The following STX2 variants were observed in gnomAD, a reference collection of about 807,000 sequenced individuals.
STX2 encodes the protein syntaxin 2, also known as syntaxin-2.
A neutral mutation model predicts 40.6 loss-of-function variants in STX2; 27 were observed. The observed-to-expected ratio is 0.66, with a 90% CI of 0.49 to 0.92. The LOEUF is 0.92. Among genes scored for constraint, STX2 ranks in the 40% least tolerant of loss-of-function variants. STX2 has a pLI of 0.00. For missense variants in STX2, 328 were observed against 366.1 expected (o/e 0.90, Z 0.85); for synonymous variants, 123 against 119.1 (o/e 1.03, Z -0.22).
chr12:130,834,053 G>A (rs1197832954), intron 1 of STX2, among the ~76,000 whole-genome samples: 2 of 152,198 alleles, frequency 1.3e-5, no homozygotes, highest in African/African-American at 2.4e-5. Context: ...GGAAAGGGAG[G>A]CAGGAAGGCT....
chr12:130,822,972 C>A (rs1472244438), intron 2 of STX2, among the ~76,000 whole-genome samples: 1 of 152,188 alleles, frequency 6.6e-6, no homozygotes, highest in Non-Finnish European at 1.5e-5. Flanking sequence ...GAGCAAGATG[C>A]TCTGCTGCCA....
At chr12:130,835,017 G>A (rs577773003) in intron 1 of STX2, among the ~76,000 whole-genome samples, 5 of 152,348 alleles carry the variant, frequency 3.3e-5, no homozygotes, top group Admixed American at 1.3e-4. Flanking sequence ...GGCCAGGCAC[G>A]GTGGCTCACG....
At chr12:130,799,912 A>T (rs145817114) in intron 8 of STX2, among the ~76,000 whole-genome samples, 2 of 152,202 alleles carry the variant, frequency 1.3e-5, no homozygotes, top group African/African-American at 2.4e-5. Context: ...AGGTTGCTGA[A>T]GCAGGCAGGA....
intron 3 of STX2, among the ~76,000 whole-genome samples, chr12:130,813,766 T>C (rs1487182446): frequency 1.4e-5 from 2 of 143,448 alleles, no homozygotes; most frequent in Non-Finnish European, 3.1e-5. Context: ...CACTCACATT[T>C]GCCAGTCCAG....
chr12:130,824,086 C>CT (rs1307809141), intron 2 of STX2, among the ~76,000 whole-genome samples: 1 of 152,158 alleles, frequency 6.6e-6, no homozygotes, highest in Admixed American at 6.5e-5. Context: ...TTTGAAAAGT[C>CT]TAAGTATTAA....
chr12:130,818,669 GAGACGGTGC>G (rs201644102), intron 3 of STX2, among the ~76,000 whole-genome samples: 3,918 of 104,744 alleles, frequency 0.037, 158 homozygotes, highest in African/African-American at 0.096. Flanking sequence ...GGAGACGATG[GAGACGGTGC>G]AGACGGTGCA....
At chr12:130,829,493 G>A (rs1473905024) in intron 1 of STX2, among the ~76,000 whole-genome samples, 2 of 146,938 alleles carry the variant, frequency 1.4e-5, no homozygotes, top group Admixed American at 1.4e-4. Context: ...GGGATGCGGG[G>A]AGGAGCTGTG....
chr12:130,793,877 G>A (rs137974060), intron 10 of STX2, among the ~76,000 whole-genome samples: 1 of 152,360 alleles, frequency 6.6e-6, no homozygotes, highest in Non-Finnish European at 1.5e-5. Flanking sequence ...CCTATGCAAA[G>A]ATAACTGCTG....
intron 3 of STX2, 87 bp downstream of exon 3, chr12:130,821,602 G>A (rs964263911): frequency 2.7e-5 from 30 of 1,092,836 alleles, no homozygotes; most frequent in African/African-American, 7.8e-5. Flanking sequence ...TGAATCTCCC[G>A]TGAGGCCAGA....
chr12:130,801,314 T>A, intron 7 of STX2, 24 bp from the exon 8 acceptor site: 1 of 1,603,514 alleles, frequency 6.2e-7, no homozygotes, highest in Non-Finnish European at 8.5e-7. Flanking sequence ...AAATAAAAGA[T>A]AATATTAATA....
chr12:130,804,976 A>G (rs564848103), intron 6 of STX2, among the ~76,000 whole-genome samples: 2 of 152,286 alleles, frequency 1.3e-5, no homozygotes, highest in East Asian at 3.9e-4. Flanking sequence ...GAGTGAAGAC[A>G]GGATGGACCT....
At chr12:130,829,177 G>T (rs994230665) in intron 1 of STX2, among the ~76,000 whole-genome samples, 1 of 152,134 alleles carries the variant, frequency 6.6e-6, no homozygotes, top group Admixed American at 6.5e-5. Flanking sequence ...AGAGCTAAGC[G>T]GTGCCGAACC....
intron 5 of STX2, 99 bp from the exon 6 acceptor site, chr12:130,807,189 T>C: frequency 8.9e-7 from 1 of 1,129,824 alleles, no homozygotes; most frequent in East Asian, 2.5e-5. Context: ...CTACATGTTA[T>C]TCTGCTCCTG....
At chr12:130,828,532 G>A (rs1439525439) in intron 1 of STX2, among the ~76,000 whole-genome samples, 2 of 151,088 alleles carry the variant, frequency 1.3e-5, no homozygotes, top group East Asian at 2.0e-4. Flanking sequence ...GAGCCACTTC[G>A]CCCAGCCTGT....
Position 130,839,120 on chromosome 12 carries a change from GC to G in STX2, c.-22del, listed in dbSNP as rs1190053477. 7.9e-7 allele frequency: 1 copy of G among 1,258,170 alleles called. No homozygotes were observed. The highest frequency in any genetic ancestry group is 3.9e-5 in the Admixed American group (1 of 25,836). 77.9% of individuals were successfully genotyped at this position (1,258,170 alleles called of 1,614,324 possible). A position where few individuals can be genotyped will look rare whatever the true frequency, so the allele number is the denominator to read the frequency against. On this transcript the variant is annotated 5_prime_UTR_variant, in exon 1 of 11. Transcript: ENST00000392373. ...CGCATCCCCGCCGGCCGGGCAGCGC[GC>G]CCCGCCGCTCAAGCCTGTCCCGAGC...
intron 1 of STX2, among the ~76,000 whole-genome samples, chr12:130,830,253 ATC>A: frequency 6.6e-6 from 1 of 152,220 alleles, no homozygotes; most frequent in Admixed American, 6.5e-5. Context: ...GGCTGCACCC[ATC>A]TCAATGCTCC....
intron 6 of STX2, among the ~76,000 whole-genome samples, chr12:130,805,522 G>T (rs1242589208): frequency 6.6e-6 from 1 of 152,218 alleles, no homozygotes; most frequent in Admixed American, 6.5e-5. Context: ...GAGCTGCACA[G>T]ACCCCGCATG....
At chr12:130,813,150 G>A (rs1951723964) in intron 3 of STX2, 119 bp from the exon 4 acceptor site, 3 of 652,416 alleles carry the variant, frequency 4.6e-6, no homozygotes, top group South Asian at 7.0e-5. Context: ...CTTTTTTTCT[G>A]TAAGAAAAAC....
At chr12:130,823,736 C>A (rs1054654863) in intron 2 of STX2, among the ~76,000 whole-genome samples, 1 of 152,168 alleles carries the variant, frequency 6.6e-6, no homozygotes, top group Non-Finnish European at 1.5e-5. Context: ...ACAGTGATTG[C>A]GGTGATTTTG....
Sources: gnomAD v4.1 joint callset for allele counts (sites outside exome capture counted in the v4.1 genomes callset) on GRCh38, gnomAD v4.1.1 for gene constraint, MANE v1.5 for transcripts, NCBI Gene and HGNC (gene_info 2026-07-23, HGNC 2026-07-21) for gene names.